Variants in CACHD1 observed in about 807,000 individuals in gnomAD.
The protein encoded by CACHD1 is VWFA and cache domain-containing protein 1.
CACHD1 carries 71 observed loss-of-function variants against 138.7 expected under a neutral mutation model. The ratio of observed to expected loss-of-function variants is 0.51; its 90% CI spans 0.42 to 0.62. The LOEUF (loss-of-function observed/expected upper bound fraction) is 0.62, where lower values mean the gene tolerates loss of function less well. Among genes scored for constraint, CACHD1 ranks in the 20% least tolerant of loss-of-function variants. The pLI, the probability that CACHD1 is intolerant of heterozygous loss-of-function variation, is 0.00. For synonymous variants in CACHD1, 578 were observed against 591.5 expected (o/e 0.98, Z 0.33); for missense variants, 1,389 against 1,625.3 (o/e 0.85, Z 2.50).
In CACHD1 at chr1:64,526,436, A is replaced by G. The variant is rs958901563; in HGVS notation, c.199-24158A>G. On this transcript the variant is annotated intron_variant, in intron 1 of 26. Coordinates refer to ENST00000651257, the MANE Select transcript of CACHD1 (RefSeq NM_020925.4). Reference sequence around the variant, plus strand: ...GAGAAAGAGACAAACAAAAATGGGTAATAAGAATAACAACGTTATTCCCGG... The same window carrying G: ...GAGAAAGAGACAAACAAAAATGGGTGATAAGAATAACAACGTTATTCCCGG... Among the ~76,000 whole-genome samples, 83 of 152,188 alleles carry G rather than the reference A, an allele frequency of 5.5e-4. 1 individual carries two copies. Among genetic ancestry groups the G allele is most frequent in the African/African-American group, 2.9e-4 (12 of 41,448 alleles).
chr1:64,644,922 AC>A (rs759393272), intron 8 of CACHD1, among the ~76,000 whole-genome samples: 3 of 152,140 alleles, frequency 2.0e-5, no homozygotes, highest in Non-Finnish European at 4.4e-5. Flanking sequence ...GCGTGGTGAA[AC>A]CCCATCTCTA....
intron 2 of CACHD1, among the ~76,000 whole-genome samples, chr1:64,578,912 A>C (rs536691935): frequency 1.3e-5 from 2 of 152,282 alleles, no homozygotes; most frequent in Non-Finnish European, 2.9e-5. Flanking sequence ...AGCAGTGGGG[A>C]CAGGGGGACA....
At chr1:64,606,517 G>A (rs1000317484) in intron 4 of CACHD1, among the ~76,000 whole-genome samples, 3 of 152,090 alleles carry the variant, frequency 2.0e-5, no homozygotes, top group African/African-American at 7.2e-5. Flanking sequence ...TATTTTACTG[G>A]CCATTATAAG....
chr1:64,488,877 T>G (rs1057255353), intron 1 of CACHD1, among the ~76,000 whole-genome samples: 4 of 152,232 alleles, frequency 2.6e-5, no homozygotes, highest in African/African-American at 9.6e-5. Flanking sequence ...AGCCAGGTAC[T>G]CTGGTAGATA....
chr1:64,571,945 T>A (rs1646930185), intron 2 of CACHD1, among the ~76,000 whole-genome samples: 1 of 152,202 alleles, frequency 6.6e-6, no homozygotes, highest in Admixed American at 6.5e-5. Flanking sequence ...GCGGCCTCCC[T>A]TTTATTTGAA....
intron 1 of CACHD1, among the ~76,000 whole-genome samples, chr1:64,532,084 T>A (rs757627121): frequency 1.3e-5 from 2 of 152,160 alleles, no homozygotes; most frequent in Non-Finnish European, 2.9e-5. Context: ...CCCCAATGCA[T>A]AAAGATCAGA....
In CACHD1 at chr1:64,677,304, G is replaced by A. The variant is rs1650030669; in HGVS notation, c.3092+293G>A. On this transcript the variant is annotated intron_variant, in intron 22 of 26. Coordinates refer to ENST00000651257, the MANE Select transcript of CACHD1 (RefSeq NM_020925.4). ...GAGGAACCCCTGAGGTCCAGAAGCA[G>A]AACCCAGTGGTCAAGGCTCTAGGTG... 2.0e-5 allele frequency among the ~76,000 whole-genome samples: 3 copies of A among 152,180 alleles called. No homozygotes were observed. The South Asian group carries it at 6.2e-4, about 32-fold the overall frequency.
At chr1:64,620,526 T>A (rs920816707) in intron 4 of CACHD1, among the ~76,000 whole-genome samples, 1 of 152,210 alleles carries the variant, frequency 6.6e-6, no homozygotes, top group South Asian at 2.1e-4. Context: ...AATTCAATCA[T>A]AAATTAATGT....
chr1:64,556,857 T>C (rs1468516107), intron 2 of CACHD1, among the ~76,000 whole-genome samples: 1 of 152,190 alleles, frequency 6.6e-6, no homozygotes, highest in East Asian at 1.9e-4. Context: ...CTCATAGACT[T>C]CATTTTTTAA....
At chr1:64,613,309 T>C (rs1198065017) in intron 4 of CACHD1, among the ~76,000 whole-genome samples, 1 of 152,114 alleles carries the variant, frequency 6.6e-6, no homozygotes, top group African/African-American at 2.4e-5. Flanking sequence ...GAATATTACA[T>C]GAATTTAGCT....
chr1:64,522,163 A>G (rs2100378403), intron 1 of CACHD1, among the ~76,000 whole-genome samples: 1 of 152,230 alleles, frequency 6.6e-6, no homozygotes, highest in Non-Finnish European at 1.5e-5. Context: ...TTATTCTTTT[A>G]CATGTGGATA....
At chr1:64,477,613 T>C (rs1646181837) in intron 1 of CACHD1, among the ~76,000 whole-genome samples, 1 of 143,886 alleles carries the variant, frequency 6.9e-6, no homozygotes, top group African/African-American at 2.7e-5. Context: ...ATTATTATTA[T>C]TATTATTATT....
chr1:64,533,898 A>G (rs1267833481), intron 1 of CACHD1, among the ~76,000 whole-genome samples: 1 of 151,310 alleles, frequency 6.6e-6, no homozygotes, highest in African/African-American at 2.4e-5. Context: ...GACTACAGGC[A>G]CCAGCCACCA....
At chr1:64,535,307 A>C (rs1311752781) in intron 1 of CACHD1, among the ~76,000 whole-genome samples, 1 of 147,802 alleles carries the variant, frequency 6.8e-6, no homozygotes, top group East Asian at 2.0e-4. Flanking sequence ...TTTTAAGTAT[A>C]CTTGATGGGA....
At chr1:64,561,169 G>GC (rs1557493582) in intron 2 of CACHD1, among the ~76,000 whole-genome samples, 2 of 140,992 alleles carry the variant, frequency 1.4e-5, no homozygotes, top group African/African-American at 5.2e-5. Context: ...TTTTTTTTCT[G>GC]TTTTTTTTTT....
chr1:64,633,175 A>G (rs1054453766), intron 6 of CACHD1, among the ~76,000 whole-genome samples: 3 of 152,252 alleles, frequency 2.0e-5, no homozygotes, highest in Non-Finnish European at 2.9e-5. Flanking sequence ...AATTGAAAGT[A>G]CAGCTTCACT....
chr1:64,525,565 T>C (rs1646532098), intron 1 of CACHD1, among the ~76,000 whole-genome samples: 1 of 152,194 alleles, frequency 6.6e-6, no homozygotes, highest in Non-Finnish European at 1.5e-5. Flanking sequence ...TACTTACATC[T>C]TTAGAATTAT....
chr1:64,662,672 TG>T (rs2100700126), intron 13 of CACHD1, among the ~76,000 whole-genome samples: 1 of 152,332 alleles, frequency 6.6e-6, no homozygotes, highest in South Asian at 2.1e-4. Context: ...TAAGGTTGAA[TG>T]GTAGAAAATC....
chr1:64,536,935 A>G (rs181418527), intron 1 of CACHD1, among the ~76,000 whole-genome samples: 446 of 152,286 alleles, frequency 2.9e-3, no homozygotes, highest in Non-Finnish European at 4.9e-3. Flanking sequence ...TCCCGTGAGG[A>G]AACAGGCTCA....
Sources: allele counts gnomAD v4.1 joint callset (sites outside exome capture counted in the v4.1 genomes callset), GRCh38; gene constraint gnomAD v4.1.1; transcripts MANE v1.5; gene names NCBI Gene and HGNC (gene_info 2026-07-23, HGNC 2026-07-21).